Variants in LHFPL6 observed in about 807,000 individuals in gnomAD.
LHFPL6 encodes LHFPL tetraspan subfamily member 6.
LHFPL6 carries 9 observed loss-of-function variants against 20.6 expected under a neutral mutation model. That is an observed-to-expected ratio of 0.44 (90% CI 0.26 to 0.76). The LOEUF is 0.76. LHFPL6 is among the 30% of genes least tolerant of loss of function. The pLI, the probability that LHFPL6 is intolerant of heterozygous loss-of-function variation, is 0.20. For missense variants in LHFPL6, 218 were observed against 253.5 expected (o/e 0.86, Z 0.95); for synonymous variants, 105 against 98.7 (o/e 1.06, Z -0.38).
intron 2 of LHFPL6, among the ~76,000 whole-genome samples, chr13:39,436,153 AGGCCAAATC>A (rs1341485186): frequency 6.6e-6 from 1 of 152,082 alleles, no homozygotes; most frequent in Non-Finnish European, 1.5e-5. Context: ...AGGGGTCCTG[AGGCCAAATC>A]ATTTGAAAAC....
chr13:39,378,482 C>G lies in LHFPL6; in HGVS notation c.430G>C (p.Asp144His). 6.2e-7 allele frequency: 1 copy of G among 1,613,970 alleles called. No individual in the cohort carries two copies. The highest frequency in any genetic ancestry group is 8.5e-7 in the Non-Finnish European group (1 of 1,179,928). Residue 144 changes from aspartate (D) to histidine (H), a missense_variant, in exon 3 of 4, where the codon GAC (aspartate) becomes CAC (histidine). By Grantham distance (81) the Asp-to-His change is moderately conservative. Transcript: ENST00000379589. ...CAAGTCTGCCGGACTTCCTCACTGT[C>G]CCAGCCCAAGGGGTAGAGGGCACAG... ...AGCALYPLGW[D>H]SEEVRQTCGY... is the part of the protein sequence containing the mutation.
intron 2 of LHFPL6, among the ~76,000 whole-genome samples, chr13:39,571,846 C>T (rs1871926046): frequency 6.6e-6 from 1 of 152,256 alleles, no homozygotes. Flanking sequence ...CATGCCTGGT[C>T]TGGCCACGGG....
At chr13:39,557,730 T>G (rs568091274) in intron 2 of LHFPL6, among the ~76,000 whole-genome samples, 23 of 152,236 alleles carry the variant, frequency 1.5e-4, no homozygotes, top group Non-Finnish European at 2.2e-4. Flanking sequence ...TGAGGCCTCA[T>G]GGGAGGTGTC....
rs1355560353 is a variant in LHFPL6, at chr13:39,381,158, A to C, written c.386-2632T>G. ...AGGTTGGGGATTTCTGACTTAAGCC[A>C]TCAGTAATTTCCTCTTTACCTGACA... is the stretch of plus-strand genomic sequence containing the variant. On this transcript the variant is annotated intron_variant, in intron 2 of 3. Transcript: ENST00000379589. 2.6e-5 allele frequency among the ~76,000 whole-genome samples: 4 copies of C among 152,196 alleles called. No homozygotes were observed. The East Asian group carries it at 7.7e-4, about 29-fold the overall frequency.
chr13:39,405,612 C>A (rs569127153), intron 2 of LHFPL6, among the ~76,000 whole-genome samples: 6 of 152,324 alleles, frequency 3.9e-5, no homozygotes, highest in Non-Finnish European at 7.3e-5. Flanking sequence ...CAGACAACTT[C>A]TGAGCAGAAA....
chr13:39,443,908 G>A (rs1299353053), intron 2 of LHFPL6, among the ~76,000 whole-genome samples: 1 of 150,690 alleles, frequency 6.6e-6, no homozygotes, highest in East Asian at 1.9e-4. Context: ...TGAACATTCT[G>A]AGCATGTTTA....
chr13:39,438,642 G>T (rs981993798), intron 2 of LHFPL6, among the ~76,000 whole-genome samples: 2 of 152,220 alleles, frequency 1.3e-5, no homozygotes, highest in Non-Finnish European at 2.9e-5. Context: ...TGTTGGGCTA[G>T]GCCCAGGGCC....
At chr13:39,491,447 T>G (rs1868923175) in intron 2 of LHFPL6, among the ~76,000 whole-genome samples, 1 of 152,176 alleles carries the variant, frequency 6.6e-6, no homozygotes, top group African/African-American at 2.4e-5. Flanking sequence ...TTTAGAGGGC[T>G]CTGAAGGCCT....
chr13:39,346,590 A>G (rs969986733), intron 3 of LHFPL6, among the ~76,000 whole-genome samples: 2 of 152,036 alleles, frequency 1.3e-5, no homozygotes, highest in African/African-American at 4.8e-5. Context: ...ACTCTCCCCT[A>G]TATCTATCCT....
chr13:39,554,706 A>G lies in LHFPL6; in HGVS notation c.385+46126T>C, dbSNP rs571544174. Among the ~76,000 whole-genome samples the G allele has an allele frequency of 1.1e-3, 161 of 152,216 alleles. 1 individual carries two copies. Among genetic ancestry groups the G allele is most frequent in the African/African-American group, 3.7e-3 (155 of 41,536 alleles). On this transcript the variant is annotated intron_variant, in intron 2 of 3. Coordinates refer to ENST00000379589, the MANE Select transcript of LHFPL6 (RefSeq NM_005780.3). ...TGATTCAACTACTGACAACTTTCTG[A>G]CTGTCTTCTCCAATAGGCGTGTGTC...
At chr13:39,462,748 C>T (rs574331459) in intron 2 of LHFPL6, among the ~76,000 whole-genome samples, 2 of 152,140 alleles carry the variant, frequency 1.3e-5, no homozygotes, top group Non-Finnish European at 2.9e-5. Flanking sequence ...TTCAAGTCTG[C>T]GTGATTCCAA....
intron 2 of LHFPL6, among the ~76,000 whole-genome samples, chr13:39,584,796 AAAT>A (rs1872397862): frequency 6.6e-6 from 1 of 152,148 alleles, no homozygotes; most frequent in African/African-American, 2.4e-5. Context: ...AAACTGCAGA[AAAT>A]AATGACTCCA....
At chr13:39,355,842 C>T (rs560195017) in intron 3 of LHFPL6, among the ~76,000 whole-genome samples, 1 of 152,156 alleles carries the variant, frequency 6.6e-6, no homozygotes, top group Non-Finnish European at 1.5e-5. Context: ...CTTAACTATC[C>T]TCAGTGTATA....
intron 2 of LHFPL6, among the ~76,000 whole-genome samples, chr13:39,576,637 T>C (rs1166746195): frequency 1.3e-5 from 2 of 152,208 alleles, no homozygotes; most frequent in Non-Finnish European, 2.9e-5. Context: ...CTTGAAATTC[T>C]TAATAATTTT....
intron 2 of LHFPL6, among the ~76,000 whole-genome samples, chr13:39,389,406 C>T (rs1451655896): frequency 2.6e-5 from 4 of 152,052 alleles, no homozygotes; most frequent in South Asian, 2.1e-4. Context: ...AAGGCCAAAA[C>T]GTATAAAGAA....
chr13:39,441,261 T>C (rs1037297827), intron 2 of LHFPL6, among the ~76,000 whole-genome samples: 1 of 150,852 alleles, frequency 6.6e-6, no homozygotes, highest in African/African-American at 2.4e-5. Context: ...GTTGGTATTA[T>C]AGGTGTGAGC....
chr13:39,586,936 C>T (rs192081331), intron 2 of LHFPL6, among the ~76,000 whole-genome samples: 4 of 152,216 alleles, frequency 2.6e-5, no homozygotes, highest in Non-Finnish European at 5.9e-5. Flanking sequence ...GTGGGTAGAT[C>T]GCCTGAGGTC....
chr13:39,555,324 C>CTT (rs74344851), intron 2 of LHFPL6, among the ~76,000 whole-genome samples: 76 of 135,116 alleles, frequency 5.6e-4, no homozygotes, highest in African/African-American at 1.4e-3. Context: ...TCTCCCCGCC[C>CTT]TTTTTTTTTT....
At chr13:39,429,192 T>G (rs182090104) in intron 2 of LHFPL6, among the ~76,000 whole-genome samples, 84 of 152,252 alleles carry the variant, frequency 5.5e-4, no homozygotes, top group Admixed American at 7.2e-4. Context: ...TACTGTTTTT[T>G]TTTTCTATTG....
Sources: gnomAD v4.1 joint callset for allele counts (sites outside exome capture counted in the v4.1 genomes callset) on GRCh38, gnomAD v4.1.1 for gene constraint, MANE v1.5 for transcripts, NCBI Gene and HGNC (gene_info 2026-07-23, HGNC 2026-07-21) for gene names.